Variants in HPSE2 observed in about 807,000 individuals in gnomAD.
HPSE2 encodes the protein inactive heparanase-2.
A neutral mutation model predicts 60.5 loss-of-function variants in HPSE2; 38 were observed. The ratio of observed to expected loss-of-function variants is 0.63; its 90% CI spans 0.48 to 0.82. The LOEUF (loss-of-function observed/expected upper bound fraction) is 0.82, where lower values mean the gene tolerates loss of function less well. HPSE2 is among the 40% of genes least tolerant of loss of function. HPSE2 has a pLI of 0.00. For synonymous variants in HPSE2, 295 were observed against 293.2 expected (o/e 1.01, Z -0.06); for missense variants, 713 against 740.4 (o/e 0.96, Z 0.43).
Position 99,235,675 on chromosome 10 carries a change from T to C in HPSE2, c.128A>G (p.Asp43Gly), listed in dbSNP as rs1448551694. The C allele has an allele frequency of 6.2e-7, 1 of 1,613,776 alleles. No homozygotes were observed. The highest frequency in any genetic ancestry group is 1.1e-5 in the South Asian group (1 of 91,050). ...LHLSLSSQAG[D>G]RRPLPVDRAA... The stretch of plus-strand genomic sequence containing the variant: ...TCTGTCTACAGGCAAGGGTCTCCTG[T>C]CTCCAGCCTGGGAGGAAAGGGAGAG... The change falls in exon 1 of 12, where the codon GAC becomes GGC. Residue 43 changes from aspartate (D) to glycine (G), a missense_variant. Physicochemically the swap from Asp to Gly is moderately conservative, Grantham distance 94 (BLOSUM62 -1). Coordinates refer to ENST00000370552, the MANE Select transcript of HPSE2 (RefSeq NM_021828.5).
intron 3 of HPSE2, among the ~76,000 whole-genome samples, chr10:98,864,263 G>A (rs1471296141): frequency 6.6e-6 from 1 of 151,956 alleles, no homozygotes; most frequent in Non-Finnish European, 1.5e-5. Context: ...ATCTCCCCAA[G>A]GACCCCTTAT....
At chr10:99,103,907 GT>G (rs1439904717) in intron 3 of HPSE2, among the ~76,000 whole-genome samples, 1 of 152,156 alleles carries the variant, frequency 6.6e-6, no homozygotes, top group East Asian at 1.9e-4. Flanking sequence ...TTAATCAATG[GT>G]GCTAGGAAAA....
chr10:99,154,285 C>T (rs11189998), intron 2 of HPSE2, among the ~76,000 whole-genome samples: 54,400 of 123,582 alleles, frequency 0.44, 13,554 homozygotes, highest in East Asian at 0.61. Context: ...AGAGCAACTC[C>T]AAGACACATC....
intron 3 of HPSE2, among the ~76,000 whole-genome samples, chr10:98,767,635 T>C (rs1324935517): frequency 6.8e-6 from 1 of 146,324 alleles, no homozygotes; most frequent in East Asian, 2.0e-4. Flanking sequence ...ATATGTAATA[T>C]TTATTAATAT....
intron 3 of HPSE2, among the ~76,000 whole-genome samples, chr10:98,914,067 C>T (rs144978412): frequency 1.3e-5 from 2 of 152,280 alleles, no homozygotes; most frequent in African/African-American, 2.4e-5. Context: ...CCACCCAAAT[C>T]TCATCTTGAA....
At chr10:98,811,456 G>T (rs1182236431) in intron 3 of HPSE2, among the ~76,000 whole-genome samples, 1 of 152,012 alleles carries the variant, frequency 6.6e-6, no homozygotes, top group Non-Finnish European at 1.5e-5. Flanking sequence ...AATTAATGAA[G>T]AAATAAATGA....
At chr10:99,286,159 T>G in the HPSE2 span, among the ~76,000 whole-genome samples, 2 of 152,186 alleles carry the variant, frequency 1.3e-5, no homozygotes, top group Admixed American at 6.5e-5. Flanking sequence ...TGGAAACAGC[T>G]TGGCAGTTCC....
At chr10:98,491,746 A>G (rs536761350) in intron 9 of HPSE2, among the ~76,000 whole-genome samples, 1 of 152,212 alleles carries the variant, frequency 6.6e-6, no homozygotes, top group African/African-American at 2.4e-5. Flanking sequence ...ATGGTAGACT[A>G]TGAAAGCAAA....
chr10:98,828,196 T>G (rs1322200470), intron 3 of HPSE2, among the ~76,000 whole-genome samples: 1 of 152,230 alleles, frequency 6.6e-6, no homozygotes, highest in Non-Finnish European at 1.5e-5. Flanking sequence ...TGTTTCTCTG[T>G]AGAACCGTAA....
At chr10:98,542,159 T>C (rs1163520563) in intron 9 of HPSE2, among the ~76,000 whole-genome samples, 1 of 152,108 alleles carries the variant, frequency 6.6e-6, no homozygotes, top group African/African-American at 2.4e-5. Flanking sequence ...ACAGCAGCAT[T>C]CGCGGTTCAC....
chr10:98,691,987 C>T (rs1948088107), intron 6 of HPSE2, among the ~76,000 whole-genome samples: 1 of 151,672 alleles, frequency 6.6e-6, no homozygotes, highest in African/African-American at 2.4e-5. Flanking sequence ...TGAATAAGTG[C>T]CATTATGGTA....
intron 3 of HPSE2, among the ~76,000 whole-genome samples, chr10:98,933,356 A>G (rs1954694338): frequency 1.4e-5 from 2 of 143,978 alleles, no homozygotes; most frequent in African/African-American, 2.8e-5. Context: ...TTTGCTGAGG[A>G]GTGTTTTACT....
At chr10:98,581,675 T>C (rs1017264443) in intron 9 of HPSE2, among the ~76,000 whole-genome samples, 5 of 152,098 alleles carry the variant, frequency 3.3e-5, no homozygotes, top group East Asian at 1.9e-4. Context: ...GAGGGATACA[T>C]TGTGTGTAGA....
intron 3 of HPSE2, among the ~76,000 whole-genome samples, chr10:99,102,039 T>G (rs935048042): frequency 6.6e-6 from 1 of 152,140 alleles, no homozygotes; most frequent in Non-Finnish European, 1.5e-5. Context: ...GCAGGAAAGA[T>G]CTAAAATTGA....
intron 3 of HPSE2, among the ~76,000 whole-genome samples, chr10:98,924,125 T>C (rs1164290486): frequency 6.6e-6 from 1 of 152,204 alleles, no homozygotes; most frequent in East Asian, 1.9e-4. Flanking sequence ...CTCATAGAGG[T>C]ACTGCTGTGG....
intron 3 of HPSE2, among the ~76,000 whole-genome samples, chr10:99,031,970 G>C (rs1957507948): frequency 6.6e-6 from 1 of 152,140 alleles, no homozygotes; most frequent in Non-Finnish European, 1.5e-5. Flanking sequence ...AAGCATGAGA[G>C]AAATCCCAAC....
chr10:98,816,350 G>A (rs1286254206), intron 3 of HPSE2, among the ~76,000 whole-genome samples: 3 of 151,954 alleles, frequency 2.0e-5, no homozygotes, highest in Admixed American at 1.3e-4. Context: ...TGGGAGTGTG[G>A]GCTGCAAAAT....
At chr10:98,507,153 TG>T (rs1591286302) in intron 9 of HPSE2, among the ~76,000 whole-genome samples, 2 of 152,174 alleles carry the variant, frequency 1.3e-5, no homozygotes, top group African/African-American at 2.4e-5. Context: ...TTACCTTGGG[TG>T]GGACAGGAGA....
At chr10:99,208,166 A>G in intron 2 of HPSE2, among the ~76,000 whole-genome samples, 1 of 151,974 alleles carries the variant, frequency 6.6e-6, no homozygotes, top group Non-Finnish European at 1.5e-5. Flanking sequence ...AGTAACTGAA[A>G]GTTCAGAAAG....
Sources: gnomAD v4.1 joint callset for allele counts (sites outside exome capture counted in the v4.1 genomes callset) on GRCh38, gnomAD v4.1.1 for gene constraint, MANE v1.5 for transcripts, NCBI Gene and HGNC (gene_info 2026-07-23, HGNC 2026-07-21) for gene names.